CHCHD4: variants seen among roughly 807,000 people sequenced by gnomAD.
CHCHD4 encodes the protein coiled-coil-helix-coiled-coil-helix domain containing 4.
In CHCHD4, 7 loss-of-function variants were observed where a neutral mutation model predicts 12.4. The ratio of observed to expected loss-of-function variants is 0.57; its 90% CI spans 0.32 to 1.06. The LOEUF (loss-of-function observed/expected upper bound fraction) is 1.06. Ranked by LOEUF, CHCHD4 falls within the 50% of genes least tolerant of loss-of-function variation. CHCHD4 has a pLI of 0.04. For missense variants in CHCHD4, 143 were observed against 175.1 expected, an observed-to-expected ratio of 0.82 and a Z score of 1.03; for synonymous variants, 56 against 58.0, an observed-to-expected ratio of 0.97 and a Z score of 0.16.
At chr3:14,121,315 T>A (rs113637974) in intron 1 of CHCHD4, among the ~76,000 whole-genome samples, 8,390 of 152,304 alleles carry the variant, frequency 0.055, 731 homozygotes, top group African/African-American at 0.19. Context: ...TGGAACTTAA[T>A]GTGCCAGTGT....
At chr3:14,124,537 T>A in intron 1 of CHCHD4, 118 bp downstream of exon 1, 1 of 834,524 alleles carries the variant, frequency 1.2e-6, no homozygotes. Flanking sequence ...TGTCCCAGGG[T>A]GGGCACCTGG....
At chr3:14,122,633 A>C (rs1243229588) in intron 1 of CHCHD4, among the ~76,000 whole-genome samples, 2 of 152,352 alleles carry the variant, frequency 1.3e-5, no homozygotes, top group East Asian at 3.9e-4. Context: ...AGGTAAATGC[A>C]TGATTCAATA....
At chr3:14,123,674 C>A (rs1034498826) in intron 1 of CHCHD4, among the ~76,000 whole-genome samples, 1 of 152,154 alleles carries the variant, frequency 6.6e-6, no homozygotes, top group East Asian at 1.9e-4. Flanking sequence ...ACCATCCATC[C>A]CCCTTCTCTG....
intron 2 of CHCHD4, 28 bp from the exon 3 acceptor site, chr3:14,113,222 T>C (rs948971208): frequency 1.9e-6 from 3 of 1,555,874 alleles, no homozygotes; most frequent in Non-Finnish European, 2.6e-6. Flanking sequence ...AGAGATGTTC[T>C]CTAAAGTTTC....
chr3:14,120,612 A>G (rs537235055), intron 1 of CHCHD4, among the ~76,000 whole-genome samples: 5 of 152,148 alleles, frequency 3.3e-5, no homozygotes, highest in African/African-American at 9.6e-5. Context: ...CCAACATACT[A>G]TGTATGTTTA....
At position 14,113,174 on chromosome 3, in the gene CHCHD4, T is replaced by C; in HGVS notation, c.142A>G (p.Asn48Asp). Residue 48 changes from asparagine (N) to aspartate (D), a missense_variant, in exon 3 of 3, where the codon AAC becomes GAC. Asn to Asp is a conservative substitution (Grantham distance 23, BLOSUM62 1). Coordinates refer to ENST00000396914, the MANE Select transcript of CHCHD4 (RefSeq NM_001098502.2). ...EEHGLILPNG[N>D]INWNCPCLGG... The stretch of plus-strand genomic sequence containing the variant: ...AGGCATGGGCAGTTCCAGTTAATGT[T>C]TCCATTTGGCAGTATCAATCCTAGA... 2 of 1,609,912 alleles carry C rather than the reference T, an allele frequency of 1.2e-6. No homozygotes were observed. The highest frequency in any genetic ancestry group is 4.5e-5 in the East Asian group (2 of 44,788).
At chr3:14,116,608 C>A in intron 1 of CHCHD4, 84 bp from the exon 2 acceptor site, 1 of 992,522 alleles carries the variant, frequency 1.0e-6, no homozygotes. Flanking sequence ...CCACACAAAC[C>A]AAGTTTGAAG....
At chr3:14,123,486 A>G (rs977550525) in intron 1 of CHCHD4, among the ~76,000 whole-genome samples, 11 of 152,182 alleles carry the variant, frequency 7.2e-5, no homozygotes, top group African/African-American at 2.7e-4. Context: ...CTAGAAGCAG[A>G]CAGCGCCACC....
rs753540960 is a variant in CHCHD4, at chr3:14,116,459, C to T, written c.88G>A (p.Ala30Thr). 6.2e-7 allele frequency: 1 copy of T among 1,604,320 alleles called. No homozygotes were observed. The highest frequency in any genetic ancestry group is 1.1e-5 in the South Asian group (1 of 91,044). Residue 30 changes from alanine to threonine, a missense_variant, in exon 2 of 3, where the codon GCT (alanine) becomes ACT (threonine). Transcript: ENST00000396914. ...HETPSSAELV[A>T]DDPNDPYEEH... ...TCGTATGGATCGTTGGGGTCATCAG[C>T]CACCAATTCTGCACTGCTTGGAGTT... is the stretch of plus-strand genomic sequence containing the variant.
chr3:14,118,676 G>C (rs1035674091), intron 1 of CHCHD4, among the ~76,000 whole-genome samples: 2 of 152,218 alleles, frequency 1.3e-5, no homozygotes, highest in Admixed American at 1.3e-4. Flanking sequence ...CCAACAGAAG[G>C]CTGCTTTTCC....
intron 1 of CHCHD4, 27 bp from the exon 2 acceptor site, chr3:14,116,551 A>C: frequency 6.5e-7 from 1 of 1,530,024 alleles, no homozygotes; most frequent in Non-Finnish European, 9.1e-7. Context: ...AGAGGAAGAA[A>C]TATTTCATTC....
chr3:14,119,207 A>T (rs947593306), intron 1 of CHCHD4: 1 of 152,256 alleles, frequency 6.6e-6, no homozygotes, highest in Admixed American at 6.5e-5. Context: ...GTAGAACAGT[A>T]ACAGCTGTAT....
At chr3:14,120,136 G>A (rs867861449) in intron 1 of CHCHD4, among the ~76,000 whole-genome samples, 2 of 152,248 alleles carry the variant, frequency 1.3e-5, no homozygotes, top group Middle Eastern at 3.4e-3. Flanking sequence ...GGGAACTGGA[G>A]GCCCGAGGGG....
intron 1 of CHCHD4, 28 bp downstream of exon 1, chr3:14,124,627 G>A: frequency 6.7e-7 from 1 of 1,503,752 alleles, no homozygotes. Flanking sequence ...CTCGTAGGCC[G>A]GTCTCCGTGG....
chr3:14,124,745 T>G lies in CHCHD4; in HGVS notation c.-69A>C, dbSNP rs1378931908. 2 of 1,470,264 alleles carry G rather than the reference T, an allele frequency of 1.4e-6. No homozygotes were observed. Among genetic ancestry groups the G allele is most frequent in the African/African-American group, 2.9e-5 (2 of 67,962 alleles). 91.1% of individuals were successfully genotyped at this position (1,470,264 alleles called of 1,614,324 possible). ...GCAGCTGCACCTTTACGCCGTGACCTCCCTCTCCTCTGGCAGGGCGGGCTC... is the reference window on the plus strand; with the variant it reads ...GCAGCTGCACCTTTACGCCGTGACCGCCCTCTCCTCTGGCAGGGCGGGCTC... On this transcript the variant is annotated 5_prime_UTR_variant, in exon 1 of 3. Coordinates refer to ENST00000396914, the MANE Select transcript of CHCHD4 (RefSeq NM_001098502.2).
intron 2 of CHCHD4, among the ~76,000 whole-genome samples, chr3:14,113,469 C>T (rs966554131): frequency 2.6e-5 from 4 of 152,260 alleles, no homozygotes; most frequent in Admixed American, 6.5e-5. Context: ...AATTAAATAC[C>T]GGGACCCATT....
Position 14,112,830 on chromosome 3 carries a change from G to A in CHCHD4, c.*57C>T, listed in dbSNP as rs1694834910. On this transcript the variant is annotated 3_prime_UTR_variant, in exon 3 of 3. Transcript: ENST00000396914. ...AACTTTCTTGGAAGGTGATGACAAG[G>A]CCTTTTGCAAAAGGTCCACTCCAAA... 1 of 1,491,004 alleles carries A rather than the reference G, an allele frequency of 6.7e-7. No homozygotes were observed. Among genetic ancestry groups the A allele is most frequent in the African/African-American group, 1.4e-5 (1 of 71,530 alleles). 92.4% of individuals were successfully genotyped at this position (1,491,004 alleles called of 1,614,324 possible).
intron 2 of CHCHD4, among the ~76,000 whole-genome samples, chr3:14,113,721 C>T (rs1018039476): frequency 2.0e-5 from 3 of 152,122 alleles, no homozygotes; most frequent in Middle Eastern, 3.4e-3. Flanking sequence ...TATGTACTGA[C>T]GAAGAAAGAT....
intron 1 of CHCHD4, among the ~76,000 whole-genome samples, chr3:14,117,323 C>T (rs1478088518): frequency 6.6e-6 from 1 of 152,222 alleles, no homozygotes; most frequent in African/African-American, 2.4e-5. Flanking sequence ...ATATTAGGAG[C>T]TTCTCCTCAC....
Sources: allele counts gnomAD v4.1 joint callset (sites outside exome capture counted in the v4.1 genomes callset), GRCh38; gene constraint gnomAD v4.1.1; transcripts MANE v1.5; gene names NCBI Gene and HGNC (gene_info 2026-07-23, HGNC 2026-07-21).